Variants in LMAN2 observed in about 807,000 individuals in gnomAD.
LMAN2 encodes the protein lectin, mannose binding 2.
A neutral mutation model predicts 39.3 loss-of-function variants in LMAN2; 22 were observed. That is an observed-to-expected ratio of 0.56 (90% CI 0.40 to 0.80). The LOEUF (loss-of-function observed/expected upper bound fraction) is 0.80. LMAN2 is among the 30% of genes least tolerant of loss of function. LMAN2 has a pLI of 0.00. For missense variants in LMAN2, 494 were observed against 505.4 expected (o/e 0.98, Z 0.22); for synonymous variants, 207 against 207.8 (o/e 1.00, Z 0.03).
intron 2 of LMAN2, among the ~76,000 whole-genome samples, chr5:177,343,099 A>T (rs7710397): frequency 0.012 from 1,815 of 152,168 alleles, 30 homozygotes; most frequent in African/African-American, 0.036. Context: ...TAAAAATATT[A>T]AAAAAATTAA....
intron 2 of LMAN2, among the ~76,000 whole-genome samples, chr5:177,347,881 G>A (rs1388764900): frequency 6.6e-6 from 1 of 152,168 alleles, no homozygotes; most frequent in South Asian, 2.1e-4. Context: ...GATACTCAGA[G>A]GCTGAGGTGG....
chr5:177,349,972 C>G (rs138780548), intron 2 of LMAN2, among the ~76,000 whole-genome samples: 1 of 152,252 alleles, frequency 6.6e-6, no homozygotes, highest in Admixed American at 6.5e-5. Flanking sequence ...AAGAAGGCAG[C>G]CAGGGGGGGC....
chr5:177,337,328 C>T lies in LMAN2; in HGVS notation c.675+35G>A. On this transcript the variant is annotated intron_variant, in intron 5 of 7. Transcript: ENST00000303127. This position sits in a 1 kb window ranked among gnomAD's most constrained non-coding sequence, Gnocchi z 8.2. Reference sequence around the variant, plus strand: ...AGCCTCTGTGGGACCAGCACAGGGCCACCAGCTGCCACCCCCACCGCCTAG... The same window carrying T: ...AGCCTCTGTGGGACCAGCACAGGGCTACCAGCTGCCACCCCCACCGCCTAG... The T allele has an allele frequency of 6.2e-7, 1 of 1,610,236 alleles. No homozygotes were observed. Among genetic ancestry groups the T allele is most frequent in the Non-Finnish European group, 8.5e-7 (1 of 1,179,574 alleles).
At chr5:177,335,847 G>A (rs908424850) in intron 6 of LMAN2, among the ~76,000 whole-genome samples, 4 of 152,154 alleles carry the variant, frequency 2.6e-5, no homozygotes, top group Non-Finnish European at 5.9e-5. Context: ...CAGGTCCCCC[G>A]TGTCACGTGC....
chr5:177,340,085 C>T (rs1246474031), intron 2 of LMAN2, among the ~76,000 whole-genome samples: 21 of 152,066 alleles, frequency 1.4e-4, no homozygotes, highest in African/African-American at 2.4e-5. Context: ...TATTTAAAGA[C>T]GTCTAAGCAC....
intron 6 of LMAN2, among the ~76,000 whole-genome samples, chr5:177,334,863 G>A (rs1236758287): frequency 6.6e-6 from 1 of 152,226 alleles, no homozygotes; most frequent in East Asian, 1.9e-4. Context: ...CCAAGGGCAG[G>A]AGCCACCAGA....
At chr5:177,338,815 G>A (rs576548607) in intron 2 of LMAN2, among the ~76,000 whole-genome samples, 12 of 152,356 alleles carry the variant, frequency 7.9e-5, no homozygotes, top group African/African-American at 2.9e-4. Context: ...ACCAGGTGAG[G>A]TGGGGGAGGC....
Position 177,351,257 on chromosome 5 carries a change from G to C in LMAN2, c.231C>G (p.Phe77Leu). ...VGSSSMPLWDFQGSTMLTSQY... is the reference protein window; with the variant it reads ...VGSSSMPLWDLQGSTMLTSQY... ...GGCTCGTGAGCATAGTGCTGCCCTG[G>C]AAGTCCCAGAGGGGCATAGAGCTGG... Residue 77 changes from phenylalanine (F) to leucine (L), a missense_variant, in exon 2 of 8, where the codon TTC becomes TTG. Physicochemically the swap from Phe to Leu is conservative, Grantham distance 22 (BLOSUM62 0). Coordinates refer to ENST00000303127, the MANE Select transcript of LMAN2 (RefSeq NM_006816.3). 1 of 1,614,166 alleles carries C rather than the reference G, an allele frequency of 6.2e-7. No individual in the cohort carries two copies. The highest frequency in any genetic ancestry group is 8.5e-7 in the Non-Finnish European group (1 of 1,180,038).
chr5:177,337,767 T>A lies in LMAN2; in HGVS notation c.452A>T (p.Lys151Ile), dbSNP rs376320709. ...RLVPGPVFGSKDNFHGLAIFL... is the reference protein window; with the variant it reads ...RLVPGPVFGSIDNFHGLAIFL... Reference sequence around the variant, plus strand: ...GATGGCTAAGCCGTGGAAGTTATCTTTGCTTCCAAACACAGGCCCTAGAAT... The same window carrying A: ...GATGGCTAAGCCGTGGAAGTTATCTATGCTTCCAAACACAGGCCCTAGAAT... Residue 151 changes from lysine to isoleucine, a missense_variant, in exon 4 of 8, where the codon AAA becomes ATA. Transcript: ENST00000303127. This position sits in a 1 kb window ranked among gnomAD's most constrained non-coding sequence, Gnocchi z 8.2. 6.2e-7 allele frequency: 1 copy of A among 1,613,862 alleles called. No homozygotes were observed. The highest frequency in any genetic ancestry group is 8.5e-7 in the Non-Finnish European group (1 of 1,179,946).
At chr5:177,351,037 G>A (rs1761714273) in intron 2 of LMAN2, 136 bp downstream of exon 2, 4 of 759,476 alleles carry the variant, frequency 5.3e-6, no homozygotes, top group Non-Finnish European at 9.5e-6. Context: ...CTTATTATTG[G>A]TGGGTGTGAC....
chr5:177,346,671 A>AC, intron 2 of LMAN2, among the ~76,000 whole-genome samples: 1 of 150,512 alleles, frequency 6.6e-6, no homozygotes, highest in East Asian at 1.9e-4. Flanking sequence ...TTTTTTTAAC[A>AC]CTTTTTTTTT....
chr5:177,351,076 G>C, intron 2 of LMAN2, 97 bp downstream of exon 2: 1 of 1,046,004 alleles, frequency 9.6e-7, no homozygotes, highest in Non-Finnish European at 1.5e-6. Flanking sequence ...AGGGACGGAG[G>C]TGCAAACCTA....
At chr5:177,343,063 C>A (rs1210281553) in intron 2 of LMAN2, among the ~76,000 whole-genome samples, 1 of 152,018 alleles carries the variant, frequency 6.6e-6, no homozygotes, top group Non-Finnish European at 1.5e-5. Flanking sequence ...ACCGTCCTGG[C>A]TAACACGGTG....
chr5:177,335,147 G>A (rs1471705114), intron 6 of LMAN2, among the ~76,000 whole-genome samples: 3 of 152,222 alleles, frequency 2.0e-5, no homozygotes, highest in African/African-American at 7.2e-5. Flanking sequence ...AGGAATCTCT[G>A]GAGCCAAGGG....
At chr5:177,345,274 G>A (rs1165326378) in intron 2 of LMAN2, among the ~76,000 whole-genome samples, 1 of 148,160 alleles carries the variant, frequency 6.7e-6, no homozygotes, top group Non-Finnish European at 1.5e-5. Flanking sequence ...CCAGGAGACC[G>A]AGGCTGCAGT....
At chr5:177,350,796 A>G (rs1307941722) in intron 2 of LMAN2, among the ~76,000 whole-genome samples, 1 of 152,254 alleles carries the variant, frequency 6.6e-6, no homozygotes, top group Non-Finnish European at 1.5e-5. Context: ...ATAAAGATCC[A>G]GTTCGCTCGG....
chr5:177,350,470 G>T (rs1163256504), intron 2 of LMAN2, among the ~76,000 whole-genome samples: 1 of 152,088 alleles, frequency 6.6e-6, no homozygotes, highest in Non-Finnish European at 1.5e-5. Flanking sequence ...TACATACTCT[G>T]AGGCAAAGGT....
chr5:177,337,078 C>T lies in LMAN2; in HGVS notation c.790+58G>A, dbSNP rs558924286. On this transcript the variant is annotated intron_variant, in intron 6 of 7. Coordinates refer to ENST00000303127, the MANE Select transcript of LMAN2 (RefSeq NM_006816.3). This position sits in a 1 kb window ranked among gnomAD's most constrained non-coding sequence, Gnocchi z 8.2. Reference sequence around the variant, plus strand: ...GGCAGGCAATCAACTGCATGGAAAGCTCCCAGTCCCTCAGGGTGAGCTGGG... The same window carrying T: ...GGCAGGCAATCAACTGCATGGAAAGTTCCCAGTCCCTCAGGGTGAGCTGGG... 3 of 1,302,686 alleles carry T rather than the reference C, an allele frequency of 2.3e-6. No individual in the cohort carries two copies. The highest frequency in any genetic ancestry group is 1.2e-5 in the South Asian group (1 of 83,778). The allele number at this position is 1,302,686 out of a possible 1,614,324, so 80.7% of individuals were successfully genotyped here. A position where few individuals can be genotyped will look rare whatever the true frequency, so the allele number is the denominator to read the frequency against.
chr5:177,344,035 A>AC (rs779568402), intron 2 of LMAN2, among the ~76,000 whole-genome samples: 1 of 150,874 alleles, frequency 6.6e-6, no homozygotes, highest in South Asian at 2.1e-4. Flanking sequence ...GCATAGTGAG[A>AC]CCCCAGCTCT....
Sources: gnomAD v4.1 joint callset for allele counts (sites outside exome capture counted in the v4.1 genomes callset) on GRCh38, gnomAD v4.1.1 for gene constraint, Gnocchi (gnomAD v3.1) non-coding constraint, MANE v1.5 for transcripts, NCBI Gene and HGNC (gene_info 2026-07-23, HGNC 2026-07-21) for gene names.